The following BRCA2 variants were observed in gnomAD, a reference collection of about 807,000 sequenced individuals.
BRCA2 encodes the protein breast cancer type 2 susceptibility protein.
In BRCA2, 203 loss-of-function variants were observed where a neutral mutation model predicts 276.7. The observed-to-expected ratio is 0.73, with a 90% CI of 0.65 to 0.82. BRCA2 has a LOEUF of 0.82. BRCA2 is among the 40% of genes least tolerant of loss of function. BRCA2 has a pLI of 0.00. For missense variants in BRCA2, 3,920 were observed against 3,915.0 expected (o/e 1.00, Z -0.03); for synonymous variants, 1,289 against 1,338.4 (o/e 0.96, Z 0.81).
In BRCA2 at chr13:32,399,626, C is replaced by A; in HGVS notation, c.*856C>A. The A allele has an allele frequency of 5.6e-6, 1 of 177,450 alleles. No individual in the cohort carries two copies. Among genetic ancestry groups the A allele is most frequent in the Non-Finnish European group, 1.2e-5 (1 of 82,616 alleles). The allele number at this position is 177,450 out of a possible 1,614,324, so 11.0% of individuals were successfully genotyped here. A position where few individuals can be genotyped will look rare whatever the true frequency, so the allele number is the denominator to read the frequency against. On this transcript the variant is annotated 3_prime_UTR_variant, in exon 27 of 27. Coordinates refer to ENST00000380152, the MANE Select transcript of BRCA2 (RefSeq NM_000059.4). ...TTTTTTTTTCAACAAAATGGTCATC[C>A]AAACTCAAACTTGAGAAAATATCTT... is the stretch of plus-strand genomic sequence containing the variant.
rs768242833 is a variant in BRCA2 at position 32,340,333 on chromosome 13, T to G, written c.5978T>G (p.Leu1993Ter). The G allele has an allele frequency of 6.2e-7, 1 of 1,614,050 alleles. No homozygotes were observed. Among genetic ancestry groups the G allele is most frequent in the Non-Finnish European group, 8.5e-7 (1 of 1,179,940 alleles). The change falls in exon 11 of 27, where the codon TTA (leucine) becomes TGA (stop). Residue 1993 changes from leucine to a stop codon, truncating the protein, a stop_gained. Transcript: ENST00000380152. LOFTEE classifies it high-confidence loss of function. ...GKSVQVSDAS[L>*]QNARQVFSEI... is the part of the protein sequence containing the mutation. ...TCTGTCCAGGTATCAGATGCTTCATTACAAAACGCAAGACAAGTGTTTTCT... is the reference window on the plus strand; with the variant it reads ...TCTGTCCAGGTATCAGATGCTTCATGACAAAACGCAAGACAAGTGTTTTCT...
chr13:32,326,312 A>G (rs2072347325), intron 6 of BRCA2, 30 bp downstream of exon 6: 1 of 1,599,918 alleles, frequency 6.3e-7, no homozygotes, highest in Non-Finnish European at 8.6e-7. Flanking sequence ...TATTTTTATG[A>G]CTTAGTAATT....
chr13:32,384,359 G>A (rs571430472), intron 24 of BRCA2, among the ~76,000 whole-genome samples: 88 of 152,316 alleles, frequency 5.8e-4, no homozygotes, highest in African/African-American at 2.1e-3. Flanking sequence ...GAAAGGATTC[G>A]AGGAGATGAA....
chr13:32,318,901 C>T (rs1286733879), intron 2 of BRCA2, among the ~76,000 whole-genome samples, 176 bp from the exon 3 acceptor site: 5 of 152,044 alleles, frequency 3.3e-5, no homozygotes, highest in Non-Finnish European at 7.4e-5. Flanking sequence ...CTTGTTACAC[C>T]TTTCTATAGA....
At chr13:32,384,619 G>A (rs1193359200) in intron 24 of BRCA2, 2 of 209,524 alleles carry the variant, frequency 9.5e-6, no homozygotes, top group Non-Finnish European at 2.1e-5. Context: ...AGAGGAGTCC[G>A]GCTAAACCAC....
intron 18 of BRCA2, among the ~76,000 whole-genome samples, chr13:32,365,612 A>G (rs1227294051): frequency 6.6e-6 from 1 of 151,608 alleles, no homozygotes; most frequent in East Asian, 1.9e-4. Context: ...TCCTGACCTC[A>G]GGTGATCCAC....
chr13:32,325,289 G>T, intron 4 of BRCA2, 105 bp downstream of exon 4: 1 of 850,144 alleles, frequency 1.2e-6, no homozygotes, highest in Non-Finnish European at 1.8e-6. Context: ...TTGGCTAAGA[G>T]CCTGGTAGAA....
At chr13:32,356,698 G>A in intron 15 of BRCA2, 89 bp downstream of exon 15, 1 of 1,418,486 alleles carries the variant, frequency 7.0e-7, no homozygotes, top group Non-Finnish European at 9.9e-7. Flanking sequence ...TTTGTTTAAA[G>A]AATGAACACA....
chr13:32,329,038 A>C (rs1162695026), intron 7 of BRCA2, among the ~76,000 whole-genome samples: 11 of 152,360 alleles, frequency 7.2e-5, no homozygotes, highest in East Asian at 1.9e-4. Flanking sequence ...TGCTTAGATG[A>C]AATAATATGG....
chr13:32,376,476 A>G (rs530367294), intron 20 of BRCA2, among the ~76,000 whole-genome samples, 194 bp from the exon 21 acceptor site: 181 of 151,048 alleles, frequency 1.2e-3, no homozygotes, highest in African/African-American at 4.3e-3. Flanking sequence ...AGCCGAGATC[A>G]CACCACTGCA....
rs55953736 is a variant in BRCA2 at position 32,340,702 on chromosome 13, A to G, written c.6347A>G (p.His2116Arg). Residue 2116 changes from histidine to arginine, a missense_variant, in exon 11 of 27, where the codon CAC becomes CGC. Physicochemically the swap from His to Arg is conservative, Grantham distance 29. Around this residue, in one of 2 missense-constraint regions of BRCA2, gnomAD observed 3,263 missense variants for 3,156.9 expected, o/e 1.03. Transcript: ENST00000380152. ...LPRVDKRNPE[H>R]CVNSEMEKTC... ...CGTGTTGATAAGAGAAACCCAGAGC[A>G]CTGTGTAAACTCAGAAATGGAAAAA... 7.4e-4 allele frequency: 1,187 copies of G among 1,609,496 alleles called. 9 individuals are homozygous for G. In the African/African-American group the frequency reaches 0.011, roughly 15 times the overall value.
chr13:32,383,961 G>GT (rs1192710487), intron 24 of BRCA2, among the ~76,000 whole-genome samples: 1 of 152,200 alleles, frequency 6.6e-6, no homozygotes, highest in East Asian at 1.9e-4. Flanking sequence ...GAGCAACAGA[G>GT]TATTGGAAGG....
chr13:32,394,074 T>C (rs923628307), intron 24 of BRCA2, among the ~76,000 whole-genome samples: 2 of 152,222 alleles, frequency 1.3e-5, no homozygotes, highest in Non-Finnish European at 2.9e-5. Flanking sequence ...TTTATGCTTT[T>C]CTTTTTTAAC....
At chr13:32,357,170 C>T (rs1348587222) in intron 15 of BRCA2, among the ~76,000 whole-genome samples, 18 of 152,130 alleles carry the variant, frequency 1.2e-4, no homozygotes. Context: ...TTCCATTTTG[C>T]AAATGAGAGA....
chr13:32,369,822 C>T (rs2072815046), intron 18 of BRCA2, among the ~76,000 whole-genome samples: 1 of 152,216 alleles, frequency 6.6e-6, no homozygotes, highest in African/African-American at 2.4e-5. Context: ...GATACGCCTG[C>T]CTCGGCCTCC....
intron 9 of BRCA2, 120 bp downstream of exon 9, chr13:32,331,150 C>T: frequency 1.4e-6 from 1 of 724,700 alleles, no homozygotes. Flanking sequence ...CCTCTGCCTC[C>T]CGTGCTCAAG....
intron 14 of BRCA2, 67 bp downstream of exon 14, chr13:32,355,355 G>C (rs2072686119): frequency 1.3e-6 from 2 of 1,552,862 alleles, no homozygotes; most frequent in Non-Finnish European, 1.8e-6. Flanking sequence ...GTTAAATAAT[G>C]TCCTGATGGT....
chr13:32,348,429 C>A (rs1278875491), intron 13 of BRCA2, among the ~76,000 whole-genome samples: 1 of 151,980 alleles, frequency 6.6e-6, no homozygotes, highest in Non-Finnish European at 1.5e-5. Context: ...AGACAGGAAC[C>A]TTAAATTCAT....
chr13:32,374,844 G>A (rs1317744570), intron 20 of BRCA2, among the ~76,000 whole-genome samples: 7 of 152,116 alleles, frequency 4.6e-5, no homozygotes, highest in South Asian at 2.1e-4. Flanking sequence ...TCAGGTTATC[G>A]GTATAGCAGT....
Sources: allele counts gnomAD v4.1 joint callset (sites outside exome capture counted in the v4.1 genomes callset), GRCh38; gene constraint gnomAD v4.1.1; regional missense constraint gnomAD v4.1.1; transcripts MANE v1.5; gene names NCBI Gene and HGNC (gene_info 2026-07-23, HGNC 2026-07-21).